Variants in USP33 observed in about 807,000 individuals in gnomAD.
USP33 encodes ubiquitin specific peptidase 33, also known as ubiquitin carboxyl-terminal hydrolase 33.
In USP33, 46 loss-of-function variants were observed where a neutral mutation model predicts 124.2. The observed-to-expected ratio is 0.37, with a 90% CI of 0.29 to 0.47. USP33 has a LOEUF of 0.47. Among genes scored for constraint, USP33 ranks in the 20% least tolerant of loss-of-function variants. The probability of loss-of-function intolerance (pLI) is 0.99; values close to 1 mark genes in which losing one functional copy is unlikely to be tolerated. For synonymous variants in USP33, 350 were observed against 352.3 expected (o/e 0.99, Z 0.07); for missense variants, 851 against 1,070.6 (o/e 0.79, Z 2.86).
chr1:77,736,904 G>A (rs1270409188), intron 5 of USP33, among the ~76,000 whole-genome samples: 6 of 151,856 alleles, frequency 4.0e-5, no homozygotes, highest in Admixed American at 6.6e-5. Context: ...CACCACACCC[G>A]GCCTGCACAC....
chr1:77,733,287 A>C (rs1399940176), intron 7 of USP33, among the ~76,000 whole-genome samples: 1 of 152,016 alleles, frequency 6.6e-6, no homozygotes, highest in Non-Finnish European at 1.5e-5. Context: ...TCAGCTACTC[A>C]GGAGGCTGAA....
rs1673577476 is a variant in USP33, at chr1:77,697,920, G to T, written c.2521C>A (p.Pro841Thr). ...ACTGCAATCTTAGTATTGTCAATAG[G>T]ACCTGGAGGATCTAAAGGAAAAAAT... ...VKGKDGDPPG[P>T]IDNTKIAVTK... The change falls in exon 23 of 24, where the codon CCT becomes ACT. Residue 841 changes from proline (P) to threonine (T), a missense_variant. Physicochemically the swap from Pro to Thr is conservative, Grantham distance 38 (BLOSUM62 -1). Coordinates refer to ENST00000370794, the MANE Select transcript of USP33 (RefSeq NM_201624.3). The T allele has an allele frequency of 6.2e-7, 1 of 1,602,460 alleles. No individual in the cohort carries two copies. The highest frequency in any genetic ancestry group is 1.8e-5 in the Admixed American group (1 of 57,022).
chr1:77,723,769 A>C (rs975345237), intron 11 of USP33, among the ~76,000 whole-genome samples: 5 of 151,844 alleles, frequency 3.3e-5, no homozygotes, highest in African/African-American at 1.2e-4. Flanking sequence ...GGTTCATGCC[A>C]TTCTCCTACC....
intron 22 of USP33, among the ~76,000 whole-genome samples, chr1:77,699,132 GAA>G (rs1390384630): frequency 6.6e-6 from 1 of 151,866 alleles, no homozygotes; most frequent in African/African-American, 2.4e-5. Flanking sequence ...AAAAAAACAT[GAA>G]AAAAAGATCA....
chr1:77,703,207 G>A (rs1674242134), intron 21 of USP33, among the ~76,000 whole-genome samples: 1 of 152,090 alleles, frequency 6.6e-6, no homozygotes, highest in Non-Finnish European at 1.5e-5. Context: ...ATACACCTCT[G>A]CCTCACAAGC....
chr1:77,715,682 G>A, intron 18 of USP33, 60 bp downstream of exon 18: 1 of 1,574,766 alleles, frequency 6.4e-7, no homozygotes, highest in South Asian at 1.2e-5. Flanking sequence ...TGTCTTAGAA[G>A]TCACTGATAA....
intron 22 of USP33, among the ~76,000 whole-genome samples, chr1:77,698,504 T>G (rs528585637): frequency 6.7e-6 from 1 of 149,048 alleles, no homozygotes; most frequent in Non-Finnish European, 1.5e-5. Flanking sequence ...TGTTTTGTTT[T>G]TTTTTTTTTT....
At position 77,725,678 on chromosome 1, in the gene USP33, G is replaced by A. The variant is rs1223275139; in HGVS notation, c.1220C>T (p.Ala407Val). ...SNEGVNPRLS[A>V]SPPKSGNLWP... Reference sequence around the variant, plus strand: ...CAAATTGCCTGATTTAGGAGGGCTTGCCGATAAACGTGGATTAACACCTTC... The same window carrying A: ...CAAATTGCCTGATTTAGGAGGGCTTACCGATAAACGTGGATTAACACCTTC... Residue 407 changes from alanine to valine, a missense_variant, in exon 11 of 24, where the codon GCA becomes GTA. By Grantham distance (64) the Ala-to-Val change is moderately conservative. Around this residue, in one of 4 missense-constraint regions of USP33, gnomAD observed 207 missense variants for 200.9 expected, o/e 1.03. Coordinates refer to ENST00000370794, the MANE Select transcript of USP33 (RefSeq NM_201624.3). The A allele has an allele frequency of 5.0e-6, 8 of 1,614,144 alleles. No individual in the cohort carries two copies. In the South Asian group the frequency reaches 6.6e-5, roughly 13 times the overall value.
At chr1:77,735,332 A>C (rs1374819607) in intron 6 of USP33, among the ~76,000 whole-genome samples, 2 of 152,144 alleles carry the variant, frequency 1.3e-5, no homozygotes, top group Non-Finnish European at 2.9e-5. Flanking sequence ...AAAAATTATA[A>C]ATGCTATTTG....
intron 4 of USP33, 21 bp from the exon 5 acceptor site, chr1:77,739,438 G>A (rs1379107678): frequency 3.2e-6 from 5 of 1,543,520 alleles, no homozygotes; most frequent in Admixed American, 2.1e-5. Flanking sequence ...TCACAGTAGA[G>A]GGAAAAGAGG....
At chr1:77,698,276 T>A (rs908644482) in intron 22 of USP33, among the ~76,000 whole-genome samples, 1 of 149,598 alleles carries the variant, frequency 6.7e-6, no homozygotes, top group African/African-American at 2.5e-5. Context: ...AGTTTCACCA[T>A]GTTGGTCAGG....
At chr1:77,719,228 G>A (rs1390783071) in intron 15 of USP33, among the ~76,000 whole-genome samples, 2 of 151,198 alleles carry the variant, frequency 1.3e-5, no homozygotes, top group African/African-American at 4.9e-5. Context: ...GCATGGTGGC[G>A]CACGCCTGTA....
At chr1:77,753,043 C>A (rs909286761) in intron 1 of USP33, among the ~76,000 whole-genome samples, 3 of 152,080 alleles carry the variant, frequency 2.0e-5, no homozygotes, top group African/African-American at 7.2e-5. Flanking sequence ...CATGCCACTG[C>A]ACTCCAGTCT....
chr1:77,720,077 TTG>T (rs1676389494), intron 15 of USP33, among the ~76,000 whole-genome samples: 1 of 146,526 alleles, frequency 6.8e-6, no homozygotes, highest in African/African-American at 2.6e-5. Context: ...GGAGGATCGC[TTG>T]TGCCCAGGAA....
chr1:77,711,491 C>G (rs1459041788), intron 21 of USP33: 1 of 330,664 alleles, frequency 3.0e-6, no homozygotes, highest in East Asian at 7.7e-5. Flanking sequence ...TGCACCACTG[C>G]ACTCCAGCCT....
At chr1:77,704,447 G>C (rs561674251) in intron 21 of USP33, among the ~76,000 whole-genome samples, 38 of 152,210 alleles carry the variant, frequency 2.5e-4, no homozygotes, top group Middle Eastern at 3.4e-3. Context: ...CTTTATCTTT[G>C]GTATTAAGAA....
chr1:77,711,139 A>T (rs903204062), intron 21 of USP33, among the ~76,000 whole-genome samples: 1 of 152,152 alleles, frequency 6.6e-6, no homozygotes, highest in African/African-American at 2.4e-5. Flanking sequence ...GACAACACTA[A>T]CTTAAGGAAA....
chr1:77,729,976 A>C (rs1277835501), intron 8 of USP33, 38 bp from the exon 9 acceptor site: 1 of 1,533,534 alleles, frequency 6.5e-7, no homozygotes. Flanking sequence ...AATTTTTGTT[A>C]TTTTTAATTT....
intron 11 of USP33, among the ~76,000 whole-genome samples, chr1:77,724,759 T>A (rs931960646): frequency 2.6e-5 from 4 of 152,078 alleles, no homozygotes; most frequent in African/African-American, 9.7e-5. Flanking sequence ...GGTATACCCA[T>A]AAAAAATGAG....
Sources: gnomAD v4.1 joint callset for allele counts (sites outside exome capture counted in the v4.1 genomes callset) on GRCh38, gnomAD v4.1.1 for gene constraint, gnomAD v4.1.1 regional missense constraint, MANE v1.5 for transcripts, NCBI Gene and HGNC (gene_info 2026-07-23, HGNC 2026-07-21) for gene names.